Variants in GPHN observed in about 807,000 individuals in gnomAD.
GPHN encodes gephyrin.
In GPHN, 17 loss-of-function variants were observed where a neutral mutation model predicts 95.5. The ratio of observed to expected loss-of-function variants is 0.18; its 90% CI spans 0.12 to 0.27. The LOEUF (loss-of-function observed/expected upper bound fraction) is 0.27. Ranked by LOEUF, GPHN falls within the 10% of genes least tolerant of loss-of-function variation. GPHN has a pLI of 1.00. For synonymous variants in GPHN, 320 were observed against 322.5 expected (o/e 0.99, Z 0.08); for missense variants, 660 against 978.1 (o/e 0.67, Z 4.34).
At chr14:67,455,187 T>C in the GPHN span, among the ~76,000 whole-genome samples, 15 of 152,318 alleles carry the variant, frequency 9.8e-5, 1 homozygote, top group Admixed American at 9.2e-4. Flanking sequence ...TGCCAGCCTG[T>C]CTGCTGCTGC....
the GPHN span, chr14:67,729,341 T>C: frequency 6.3e-7 from 1 of 1,598,288 alleles, no homozygotes; most frequent in South Asian, 1.1e-5. Context: ...CACTGCGCCC[T>C]GGCTGAGGGC....
At chr14:67,571,634 G>C in the GPHN span, 17 of 950,040 alleles carry the variant, frequency 1.8e-5, no homozygotes, top group South Asian at 2.0e-4. Context: ...TGTCTGTTCA[G>C]AGTCCCGGCT....
intron 8 of GPHN, among the ~76,000 whole-genome samples, chr14:66,937,083 G>A (rs1042461416): frequency 2.0e-5 from 3 of 151,792 alleles, no homozygotes; most frequent in Non-Finnish European, 4.4e-5. Flanking sequence ...GCTTACTGCA[G>A]CCTCTACCTT....
At chr14:67,395,403 G>T in the GPHN span, 1 of 1,613,434 alleles carries the variant, frequency 6.2e-7, no homozygotes, top group Non-Finnish European at 8.5e-7. Flanking sequence ...GGCACTCACT[G>T]CAGGCTGATG....
rs969469326 is a variant in GPHN at position 66,951,976 on chromosome 14, A to T, written c.829-13215A>T. Among the ~76,000 whole-genome samples the T allele has an allele frequency of 9.8e-5, 15 of 152,312 alleles. No homozygotes were observed. In the East Asian group the frequency reaches 1.9e-3, roughly 20 times the overall value. ...AGCTTTTATAGATTTTTACAGAACA[A>T]TGTTTTTATTATGCTGGATTAAGAA... On this transcript the variant is annotated intron_variant, in intron 8 of 22. Transcript: ENST00000478722.
the GPHN span, among the ~76,000 whole-genome samples, chr14:67,681,915 C>T: frequency 6.6e-6 from 1 of 152,182 alleles, no homozygotes; most frequent in East Asian, 1.9e-4. Context: ...CTTAGTCCCT[C>T]TGCCTTCATG....
chr14:66,987,979 A>C (rs2071138093), intron 9 of GPHN, among the ~76,000 whole-genome samples: 1 of 152,090 alleles, frequency 6.6e-6, no homozygotes, highest in African/African-American at 2.4e-5. Context: ...CTAGAAGGCA[A>C]TGTGAAAGGA....
chr14:66,565,076 G>C (rs2060406997), intron 1 of GPHN, among the ~76,000 whole-genome samples: 1 of 152,112 alleles, frequency 6.6e-6, no homozygotes, highest in South Asian at 2.1e-4. Flanking sequence ...TAAAAATAAA[G>C]GATTTTGTTG....
the GPHN span, among the ~76,000 whole-genome samples, chr14:67,296,585 C>CAAAAAAAAAAAAAAAAAAAAAAAAAAAA: frequency 3.9e-5 from 2 of 51,000 alleles, 1 homozygote; most frequent in African/African-American, 9.2e-5. Context: ...AACTCTGTCT[C>CAAAAAAAAAAAAAAAAAAAAAAAAAAAA]AAAAAAAAAA....
intron 5 of GPHN, among the ~76,000 whole-genome samples, chr14:66,895,857 A>C (rs2064817338): frequency 6.6e-6 from 1 of 152,222 alleles, no homozygotes; most frequent in Admixed American, 6.5e-5. Flanking sequence ...TATCTGAACA[A>C]ATCTTTTTTA....
the GPHN span, among the ~76,000 whole-genome samples, chr14:67,216,927 T>C: frequency 6.6e-6 from 1 of 152,164 alleles, no homozygotes; most frequent in African/African-American, 2.4e-5. Context: ...TGTTAAGTCA[T>C]TTGGTCTGTG....
At chr14:66,719,736 T>G (rs1312157915) in intron 2 of GPHN, among the ~76,000 whole-genome samples, 1 of 152,192 alleles carries the variant, frequency 6.6e-6, no homozygotes, top group Non-Finnish European at 1.5e-5. Flanking sequence ...GAGATTCTGA[T>G]TCATTAACAT....
intron 16 of GPHN, among the ~76,000 whole-genome samples, chr14:67,121,015 T>C (rs1476789969): frequency 2.0e-5 from 3 of 152,180 alleles, no homozygotes; most frequent in African/African-American, 4.8e-5. Flanking sequence ...TGAAGGAAGA[T>C]TAGGACTTGT....
At chr14:67,508,757 A>AAAAAAAAAAAAAAAAAAC in the GPHN span, among the ~76,000 whole-genome samples, 1 of 149,154 alleles carries the variant, frequency 6.7e-6, no homozygotes, top group Non-Finnish European at 1.5e-5. Flanking sequence ...TTGTCTCAAA[A>AAAAAAAAAAAAAAAAAAC]AAAAAAAAAA....
chr14:66,842,543 G>A (rs1183928315), intron 4 of GPHN: 4 of 630,658 alleles, frequency 6.3e-6, no homozygotes, highest in Non-Finnish European at 2.7e-6. Flanking sequence ...CTCAGAAATG[G>A]TTTCATTCTG....
At chr14:67,366,845 T>C in the GPHN span, among the ~76,000 whole-genome samples, 1 of 152,210 alleles carries the variant, frequency 6.6e-6, no homozygotes, top group East Asian at 1.9e-4. Flanking sequence ...AGAAAGGGTA[T>C]GTTTTCTGTT....
At chr14:67,616,994 C>T in the GPHN span, 1 of 152,148 alleles carries the variant, frequency 6.6e-6, no homozygotes, top group East Asian at 1.9e-4. Flanking sequence ...CCTGCCTCAG[C>T]CTCCTGAGTA....
At chr14:66,916,474 CAG>C (rs1258020869) in intron 6 of GPHN, among the ~76,000 whole-genome samples, 1 of 143,752 alleles carries the variant, frequency 7.0e-6, no homozygotes, top group Non-Finnish European at 1.5e-5. Flanking sequence ...TTTTGATGTC[CAG>C]AGTTTTTTTT....
chr14:67,192,525 C>T, the GPHN span, among the ~76,000 whole-genome samples: 1 of 151,402 alleles, frequency 6.6e-6, no homozygotes, highest in Non-Finnish European at 1.5e-5. Context: ...ACTGTGCCCG[C>T]ACACCGAGAA....
Sources: gnomAD v4.1 joint callset for allele counts (sites outside exome capture counted in the v4.1 genomes callset) on GRCh38, gnomAD v4.1.1 for gene constraint, MANE v1.5 for transcripts, NCBI Gene and HGNC (gene_info 2026-07-23, HGNC 2026-07-21) for gene names.